Variants in OPHN1 observed in about 807,000 individuals in gnomAD.
OPHN1 encodes oligophrenin 1, also known as oligophrenin-1.
A neutral mutation model predicts 60.7 loss-of-function variants in OPHN1; 11 were observed. The observed-to-expected ratio is 0.18, with a 90% CI of 0.11 to 0.30. The LOEUF (loss-of-function observed/expected upper bound fraction) is 0.30, where lower values mean the gene tolerates loss of function less well. OPHN1 is among the 10% of genes least tolerant of loss of function. OPHN1 has a pLI of 1.00. For synonymous variants in OPHN1, 226 were observed against 222.6 expected (o/e 1.02, Z -0.14); for missense variants, 449 against 611.0 (o/e 0.73, Z 2.80).
intron 3 of OPHN1, among the ~76,000 whole-genome samples, chrX:68,297,873 C>A (rs1398537351): frequency 9.1e-6 from 1 of 110,345 alleles, no homozygotes; most frequent in Non-Finnish European, 1.9e-5. Flanking sequence ...ACATTGCATA[C>A]AAAGAAAACA....
At chrX:68,073,420 A>G (rs2076942331) in intron 19 of OPHN1, 121 bp from the exon 20 acceptor site, 2 of 582,589 alleles carry the variant, frequency 3.4e-6, no homozygotes, top group South Asian at 6.6e-5. Context: ...GAATACTAAC[A>G]TGACTCAAAG....
At chrX:68,110,107 T>C (rs1237972103) in intron 18 of OPHN1, among the ~76,000 whole-genome samples, 1 of 110,364 alleles carries the variant, frequency 9.1e-6, no homozygotes, top group Non-Finnish European at 1.9e-5. Context: ...AAATCCCCTC[T>C]TCTGGAACTG....
chrX:68,134,569 T>C (rs1484594940), intron 15 of OPHN1, among the ~76,000 whole-genome samples: 1 of 111,050 alleles, frequency 9.0e-6, no homozygotes, highest in Non-Finnish European at 1.9e-5. Flanking sequence ...CACACAATCA[T>C]AGAGCTCCCT....
intron 2 of OPHN1, among the ~76,000 whole-genome samples, chrX:68,397,081 C>T (rs2078688670): frequency 8.9e-6 from 1 of 111,958 alleles, no homozygotes; most frequent in Non-Finnish European, 1.9e-5. Context: ...ACCAGGACTG[C>T]TCAGCAAGAG....
intron 15 of OPHN1, among the ~76,000 whole-genome samples, chrX:68,165,219 A>G (rs2077352612): frequency 8.9e-6 from 1 of 112,108 alleles, no homozygotes; most frequent in African/African-American, 3.2e-5. Flanking sequence ...AGTTCCTACA[A>G]GGATTTCTCA....
chrX:68,319,295 T>C, intron 2 of OPHN1, among the ~76,000 whole-genome samples: 1 of 112,337 alleles, frequency 8.9e-6, no homozygotes, highest in Middle Eastern at 4.6e-3. Context: ...TTAAACCTCA[T>C]ACCTTATTCA....
intron 2 of OPHN1, among the ~76,000 whole-genome samples, chrX:68,431,933 C>T (rs1250203888): frequency 9.0e-6 from 1 of 111,223 alleles, no homozygotes; most frequent in Non-Finnish European, 1.9e-5. Context: ...TTAATTATCA[C>T]TCCACCCAAT....
chrX:68,133,303 T>C, intron 15 of OPHN1: 6 of 618,711 alleles, frequency 9.7e-6, no homozygotes, highest in South Asian at 7.0e-5. Flanking sequence ...TCTTAGACTA[T>C]GAAGACAAGA....
chrX:68,257,894 A>G (rs1164852008), intron 5 of OPHN1, among the ~76,000 whole-genome samples: 1 of 110,657 alleles, frequency 9.0e-6, no homozygotes, highest in Non-Finnish European at 1.9e-5. Flanking sequence ...TCCAGACATG[A>G]CTTTGAAGCC....
chrX:68,433,489 C>A lies in OPHN1; in HGVS notation c.-326G>T. ...TCCTCGCTCCGGAGCGAGCGGAAGA[C>A]TTCCTTGGCCGAACTCCGCGGGCAA... On this transcript the variant is annotated 5_prime_UTR_variant, in exon 1 of 25. Coordinates refer to ENST00000355520, the MANE Select transcript of OPHN1 (RefSeq NM_002547.3). 3.6e-6 allele frequency: 1 copy of A among 280,110 alleles called. No individual in the cohort carries two copies. 23.1% of individuals were successfully genotyped at this position (280,110 alleles called of 1,213,427 possible).
At chrX:68,249,116 A>G (rs1204078825) in intron 5 of OPHN1, among the ~76,000 whole-genome samples, 1 of 111,910 alleles carries the variant, frequency 8.9e-6, no homozygotes, top group East Asian at 2.8e-4. Context: ...TGTAACACAA[A>G]GGATAAATGC....
At chrX:68,270,767 A>G (rs2077964444) in intron 5 of OPHN1, among the ~76,000 whole-genome samples, 1 of 111,494 alleles carries the variant, frequency 9.0e-6, no homozygotes, top group Non-Finnish European at 1.9e-5. Context: ...ATCTCAAACT[A>G]ACAGAAGATC....
intron 5 of OPHN1, among the ~76,000 whole-genome samples, chrX:68,267,886 T>A (rs1194242476): frequency 9.0e-6 from 1 of 111,574 alleles, no homozygotes; most frequent in Non-Finnish European, 1.9e-5. Context: ...CAAACTACCA[T>A]CAGAGAATAC....
chrX:68,088,860 G>A (rs1258602349), intron 19 of OPHN1, among the ~76,000 whole-genome samples: 1 of 110,665 alleles, frequency 9.0e-6, no homozygotes, highest in Non-Finnish European at 1.9e-5. Flanking sequence ...AAAGGATAAA[G>A]TTGGGATGTA....
chrX:68,060,391 C>T (rs2076888697), intron 21 of OPHN1, among the ~76,000 whole-genome samples: 1 of 111,209 alleles, frequency 9.0e-6, no homozygotes, highest in Non-Finnish European at 1.9e-5. Context: ...TGTCTGTGAG[C>T]CTCTGTTTCT....
chrX:68,389,902 A>G (rs928840219), intron 2 of OPHN1, among the ~76,000 whole-genome samples: 16 of 111,666 alleles, frequency 1.4e-4, no homozygotes, highest in Non-Finnish European at 2.6e-4. Context: ...ATAAGGACAT[A>G]CTTGAGACTG....
chrX:68,333,690 C>G (rs975835643), intron 2 of OPHN1, among the ~76,000 whole-genome samples: 2 of 106,888 alleles, frequency 1.9e-5, no homozygotes, highest in African/African-American at 6.7e-5. Flanking sequence ...CACACACAGA[C>G]ACACACACAC....
Position 68,053,829 on chromosome X carries a change from C to T in OPHN1, c.2159-19G>A. On this transcript the variant is annotated intron_variant, in intron 21 of 24. Transcript: ENST00000355520. ...GCATCCCCTGGAAGAGAAAATGATACCAGGAACTTGGATGGTTAGCCAAAC... is the reference window on the plus strand; with the variant it reads ...GCATCCCCTGGAAGAGAAAATGATATCAGGAACTTGGATGGTTAGCCAAAC... The T allele has an allele frequency of 1.7e-6, 2 of 1,205,115 alleles. No individual in the cohort carries two copies. Among genetic ancestry groups the T allele is most frequent in the Non-Finnish European group, 2.2e-6 (2 of 892,482 alleles).
chrX:68,155,613 T>A (rs943642327), intron 15 of OPHN1, among the ~76,000 whole-genome samples: 1 of 112,044 alleles, frequency 8.9e-6, no homozygotes, highest in Non-Finnish European at 1.9e-5. Flanking sequence ...AAAAACAGAC[T>A]AATACACTAC....
Sources: allele counts gnomAD v4.1 joint callset (sites outside exome capture counted in the v4.1 genomes callset), GRCh38; gene constraint gnomAD v4.1.1; transcripts MANE v1.5; gene names NCBI Gene and HGNC (gene_info 2026-07-23, HGNC 2026-07-21).